Variants in CTNNA3 observed in about 807,000 individuals in gnomAD.
CTNNA3 encodes the protein catenin alpha 3, also known as catenin alpha-3.
In CTNNA3, 76 loss-of-function variants were observed where a neutral mutation model predicts 95.7. That is an observed-to-expected ratio of 0.79 (90% CI 0.66 to 0.96). The LOEUF (loss-of-function observed/expected upper bound fraction) is 0.96, where lower values mean the gene tolerates loss of function less well. Ranked by LOEUF, CTNNA3 falls within the 40% of genes least tolerant of loss-of-function variation. CTNNA3 has a pLI of 0.00. For missense variants in CTNNA3, 1,191 were observed against 1,089.8 expected (o/e 1.09, Z -1.31); for synonymous variants, 431 against 374.4 (o/e 1.15, Z -1.74).
intron 3 of CTNNA3, among the ~76,000 whole-genome samples, chr10:67,543,429 A>G (rs768292558): frequency 3.3e-5 from 5 of 152,192 alleles, no homozygotes; most frequent in Middle Eastern, 3.4e-3. Context: ...AGCTTCCTAT[A>G]TGGTTATTTT....
chr10:66,789,508 G>T (rs1840886752), intron 7 of CTNNA3, among the ~76,000 whole-genome samples: 1 of 152,030 alleles, frequency 6.6e-6, no homozygotes, highest in Non-Finnish European at 1.5e-5. Flanking sequence ...TGAAAGCCAA[G>T]ATGCATAGAT....
intron 11 of CTNNA3, among the ~76,000 whole-genome samples, chr10:66,504,581 G>A (rs1840387631): frequency 1.3e-5 from 2 of 152,164 alleles, no homozygotes; most frequent in African/African-American, 2.4e-5. Flanking sequence ...GGGCTCATTG[G>A]TAGGTAGGAA....
intron 14 of CTNNA3, among the ~76,000 whole-genome samples, chr10:66,102,685 TGTGGTGGTGGTGGCA>T (rs1564645256): frequency 6.6e-6 from 1 of 151,756 alleles, no homozygotes; most frequent in East Asian, 1.9e-4. Context: ...TTTGGAGTTG[TGTGGTGGTGGTGGCA>T]GTGGTGGTGG....
At chr10:66,829,389 T>C (rs6480225) in intron 7 of CTNNA3, among the ~76,000 whole-genome samples, 82,913 of 151,934 alleles carry the variant, frequency 0.55, 22,851 homozygotes, top group Admixed American at 0.61. Context: ...GGTGGGCAGA[T>C]CACTTTAGGT....
intron 13 of CTNNA3, among the ~76,000 whole-genome samples, chr10:66,109,632 T>C (rs902489218): frequency 1.3e-5 from 2 of 152,140 alleles, no homozygotes; most frequent in Non-Finnish European, 2.9e-5. Flanking sequence ...ATGAGCCAAG[T>C]TAAAAATAAA....
At chr10:67,726,284 A>G (rs1170961564) in intron 1 of CTNNA3, among the ~76,000 whole-genome samples, 7 of 100,766 alleles carry the variant, frequency 6.9e-5, no homozygotes, top group African/African-American at 2.9e-4. Flanking sequence ...ATATTATATT[A>G]CATATTATAT....
chr10:66,828,775 A>G (rs1477464916), intron 7 of CTNNA3, among the ~76,000 whole-genome samples: 1 of 152,182 alleles, frequency 6.6e-6, no homozygotes, highest in African/African-American at 2.4e-5. Flanking sequence ...CCACTTGGAG[A>G]GTCATAGTCT....
chr10:65,998,109 G>A (rs893948716), intron 15 of CTNNA3, among the ~76,000 whole-genome samples: 7 of 152,192 alleles, frequency 4.6e-5, no homozygotes, highest in African/African-American at 1.4e-4. Context: ...AATAAAAGTT[G>A]CATTGATTTC....
intron 5 of CTNNA3, among the ~76,000 whole-genome samples, chr10:67,501,993 G>A (rs768000940): frequency 2.6e-5 from 4 of 152,256 alleles, no homozygotes; most frequent in Admixed American, 2.6e-4. Context: ...TCTCCGTCCA[G>A]TTTTGTTCCC....
At chr10:67,001,103 C>A (rs1205596190) in intron 7 of CTNNA3, among the ~76,000 whole-genome samples, 1 of 151,652 alleles carries the variant, frequency 6.6e-6, no homozygotes, top group Non-Finnish European at 1.5e-5. Flanking sequence ...GAGATCGAGA[C>A]CATCCTGGCC....
At chr10:67,643,113 C>T (rs1401256607) in intron 2 of CTNNA3, among the ~76,000 whole-genome samples, 1 of 152,136 alleles carries the variant, frequency 6.6e-6, no homozygotes, top group Non-Finnish European at 1.5e-5. Flanking sequence ...AAATGTGGTA[C>T]ATATATACCA....
At chr10:66,543,903 G>GTATATATA (rs1249395466) in intron 10 of CTNNA3, among the ~76,000 whole-genome samples, 5 of 44,648 alleles carry the variant, frequency 1.1e-4, no homozygotes, top group Admixed American at 2.7e-4. Flanking sequence ...CTTGAGATGT[G>GTATATATA]TGTGTGTGTA....
At chr10:67,076,922 T>C (rs138336523) in intron 7 of CTNNA3, among the ~76,000 whole-genome samples, 56 of 152,334 alleles carry the variant, frequency 3.7e-4, no homozygotes, top group African/African-American at 9.6e-4. Context: ...GACATCTCCA[T>C]TGGACTATGT....
rs139501760 is a variant in CTNNA3 at position 66,188,313 on chromosome 10, T to C, written c.1885-85064A>G. 2.6e-5 allele frequency among the ~76,000 whole-genome samples: 4 copies of C among 152,234 alleles called. No homozygotes were observed. The South Asian group carries it at 6.2e-4, about 24-fold the overall frequency. Reference sequence around the variant, plus strand: ...TATAGTCCTCATGTTGTACATTTGATTCCTAGACTTATTTATCCTGCATCA... The same window carrying C: ...TATAGTCCTCATGTTGTACATTTGACTCCTAGACTTATTTATCCTGCATCA... On this transcript the variant is annotated intron_variant, in intron 13 of 17. Coordinates refer to ENST00000433211, the MANE Select transcript of CTNNA3 (RefSeq NM_013266.4).
intron 7 of CTNNA3, among the ~76,000 whole-genome samples, chr10:66,862,741 A>G (rs1843990630): frequency 6.6e-6 from 1 of 152,144 alleles, no homozygotes; most frequent in Non-Finnish European, 1.5e-5. Flanking sequence ...TGTGACTAGA[A>G]CAATGGTTCC....
At chr10:67,618,899 T>C (rs773176448) in intron 2 of CTNNA3, among the ~76,000 whole-genome samples, 2 of 152,206 alleles carry the variant, frequency 1.3e-5, no homozygotes, top group South Asian at 2.1e-4. Context: ...TGAATCTCAT[T>C]GGCCAGCACT....
intron 9 of CTNNA3, among the ~76,000 whole-genome samples, chr10:66,634,216 A>G (rs771782483): frequency 1.3e-5 from 2 of 152,192 alleles, no homozygotes; most frequent in Non-Finnish European, 2.9e-5. Flanking sequence ...TTTAATACCA[A>G]TCAAGAAAAT....
chr10:66,685,293 ATGTGTG>A (rs1247137356), intron 9 of CTNNA3, among the ~76,000 whole-genome samples: 9 of 70,076 alleles, frequency 1.3e-4, no homozygotes, highest in East Asian at 3.2e-4. Flanking sequence ...AAGTATATAT[ATGTGTG>A]TATATATATG....
At chr10:67,620,923 G>GTGTATATATATATACATATATA (rs1402402526) in intron 2 of CTNNA3, among the ~76,000 whole-genome samples, 6 of 123,808 alleles carry the variant, frequency 4.8e-5, no homozygotes, top group African/African-American at 1.8e-4. Context: ...GTGTGTGTGT[G>GTGTATATATATATACATATATA]TATATATATA....
Sources: gnomAD v4.1 joint callset for allele counts (sites outside exome capture counted in the v4.1 genomes callset) on GRCh38, gnomAD v4.1.1 for gene constraint, MANE v1.5 for transcripts, NCBI Gene and HGNC (gene_info 2026-07-23, HGNC 2026-07-21) for gene names.